The following AKAP19 variants were observed in gnomAD, a reference collection of about 807,000 sequenced individuals.
AKAP19 encodes small A-kinase anchoring protein.
At chr2:190,158,379 C>T in the AKAP19 span, among the ~76,000 whole-genome samples, 2,068 of 152,238 alleles carry the variant, frequency 0.014, 25 homozygotes, top group Middle Eastern at 0.027. Flanking sequence ...GTATGCAGAC[C>T]TCTCAAGCAA....
the AKAP19 span, among the ~76,000 whole-genome samples, chr2:190,134,986 T>C: frequency 1.5e-4 from 23 of 152,170 alleles, no homozygotes; most frequent in African/African-American, 4.1e-4. Flanking sequence ...TCAGGAACTT[T>C]CAGGATTTAA....
At chr2:189,921,684 C>T in the AKAP19 span, among the ~76,000 whole-genome samples, 13 of 152,114 alleles carry the variant, frequency 8.5e-5, no homozygotes, top group African/African-American at 2.7e-4. Flanking sequence ...AGAGGGAGTA[C>T]TTCACAATGT....
chr2:190,043,876 G>C, the AKAP19 span, among the ~76,000 whole-genome samples: 2 of 152,116 alleles, frequency 1.3e-5, no homozygotes, highest in South Asian at 4.1e-4. Context: ...TTCTTTTCTG[G>C]GTGTTTTCAC....
chr2:190,097,262 T>C, the AKAP19 span, among the ~76,000 whole-genome samples: 2 of 152,070 alleles, frequency 1.3e-5, no homozygotes, highest in Non-Finnish European at 2.9e-5. Flanking sequence ...GTGTGTTGTT[T>C]CCCGCCATGT....
At chr2:190,057,725 T>C in the AKAP19 span, 2 of 1,423,538 alleles carry the variant, frequency 1.4e-6, no homozygotes, top group Non-Finnish European at 2.0e-6. Flanking sequence ...GTTGAAGTAA[T>C]AAACTAATAA....
the AKAP19 span, among the ~76,000 whole-genome samples, chr2:190,118,173 G>A: frequency 6.6e-6 from 1 of 152,106 alleles, no homozygotes; most frequent in African/African-American, 2.4e-5. Context: ...CCAGGAAAAA[G>A]TTGAATCTCT....
the AKAP19 span, among the ~76,000 whole-genome samples, chr2:190,183,521 C>T: frequency 6.6e-6 from 1 of 152,138 alleles, no homozygotes; most frequent in African/African-American, 2.4e-5. Flanking sequence ...TCCTCCACCC[C>T]TCATTTTTCC....
At chr2:190,017,449 T>C in the AKAP19 span, among the ~76,000 whole-genome samples, 1 of 152,204 alleles carries the variant, frequency 6.6e-6, no homozygotes, top group African/African-American at 2.4e-5. Flanking sequence ...TATTGCTTTG[T>C]GGTTATCATG....
the AKAP19 span, among the ~76,000 whole-genome samples, chr2:190,135,733 A>T: frequency 6.6e-6 from 1 of 152,236 alleles, no homozygotes; most frequent in African/African-American, 2.4e-5. Flanking sequence ...AAGTTGTGAT[A>T]TTTAAATGTA....
At chr2:190,024,393 T>C in the AKAP19 span, among the ~76,000 whole-genome samples, 74 of 146,692 alleles carry the variant, frequency 5.0e-4, 1 homozygote, top group South Asian at 0.015. Flanking sequence ...TATATATATA[T>C]ATACATATAT....
the AKAP19 span, among the ~76,000 whole-genome samples, chr2:189,971,254 A>C: frequency 2.0e-5 from 3 of 152,050 alleles, no homozygotes; most frequent in Admixed American, 1.3e-4. Context: ...TGTCCTTGCG[A>C]TAGTTTGCTG....
At chr2:190,006,777 G>A in the AKAP19 span, among the ~76,000 whole-genome samples, 2 of 151,988 alleles carry the variant, frequency 1.3e-5, no homozygotes, top group African/African-American at 4.8e-5. Flanking sequence ...CCAGCACTTT[G>A]GGAGGCCGAG....
At chr2:189,922,834 T>TA in the AKAP19 span, among the ~76,000 whole-genome samples, 1 of 152,074 alleles carries the variant, frequency 6.6e-6, no homozygotes, top group Non-Finnish European at 1.5e-5. Context: ...ATGATGTACT[T>TA]TATGGGGCAA....
At chr2:190,073,184 T>C in the AKAP19 span, among the ~76,000 whole-genome samples, 1 of 152,156 alleles carries the variant, frequency 6.6e-6, no homozygotes, top group Non-Finnish European at 1.5e-5. Context: ...AAAAGTATTA[T>C]GGAAATAAAT....
chr2:190,083,770 G>A, the AKAP19 span, among the ~76,000 whole-genome samples: 1 of 152,142 alleles, frequency 6.6e-6, no homozygotes, highest in East Asian at 1.9e-4. Context: ...GCTCAAGCAG[G>A]GAAAGTGGGA....
At chr2:190,046,066 C>G in the AKAP19 span, among the ~76,000 whole-genome samples, 1 of 152,204 alleles carries the variant, frequency 6.6e-6, no homozygotes, top group Non-Finnish European at 1.5e-5. Context: ...GTGTTGTTCC[C>G]GGGTGGCCGA....
the AKAP19 span, among the ~76,000 whole-genome samples, chr2:189,880,505 A>G: frequency 6.6e-6 from 1 of 152,232 alleles, no homozygotes; most frequent in Non-Finnish European, 1.5e-5. Flanking sequence ...GAGGGAGGAT[A>G]TGGTCACATT....
the AKAP19 span, among the ~76,000 whole-genome samples, chr2:190,038,907 C>CTTT: frequency 1.3e-5 from 1 of 75,948 alleles, no homozygotes; most frequent in African/African-American, 9.7e-5. Context: ...TTTCTTTCTT[C>CTTT]TTCTTCTTCT....
the AKAP19 span, among the ~76,000 whole-genome samples, chr2:189,929,556 C>CT: frequency 1.1e-4 from 16 of 150,378 alleles, no homozygotes; most frequent in South Asian, 4.2e-4. Flanking sequence ...TTTATTGACA[C>CT]TTTTTTTTTT....
Sources: allele counts gnomAD v4.1 joint callset (sites outside exome capture counted in the v4.1 genomes callset), GRCh38; gene constraint gnomAD v4.1.1; transcripts MANE v1.5; gene names NCBI Gene and HGNC (gene_info 2026-07-23, HGNC 2026-07-21).